The following DNAI2 variants were observed in gnomAD, a reference collection of about 807,000 sequenced individuals.
DNAI2 encodes the protein dynein axonemal intermediate chain 2, also known as dynein, axonemal, intermediate polypeptide 2.
A neutral mutation model predicts 74.7 loss-of-function variants in DNAI2; 63 were observed. The ratio of observed to expected loss-of-function variants is 0.84; its 90% confidence interval spans 0.69 to 1.04. DNAI2 has a LOEUF of 1.04. DNAI2 is among the 50% of genes least tolerant of loss of function. The pLI is 0.00. For synonymous variants in DNAI2, 289 were observed against 314.9 expected, an observed-to-expected ratio of 0.92 and a Z score of 0.87; for missense variants, 688 against 803.2, an observed-to-expected ratio of 0.86 and a Z score of 1.73.
At chr17:74,298,727 C>T (rs1408252069) in intron 6 of DNAI2, among the ~76,000 whole-genome samples, 2 of 152,058 alleles carry the variant, frequency 1.3e-5, no homozygotes, top group African/African-American at 4.8e-5. Context: ...CTCAGCCTCC[C>T]GAGTAGCAGG....
intron 6 of DNAI2, among the ~76,000 whole-genome samples, chr17:74,296,503 C>A (rs777391104): frequency 1.3e-5 from 2 of 152,102 alleles, no homozygotes; most frequent in Non-Finnish European, 2.9e-5. Context: ...CAGGCGTGAG[C>A]CACTGTACTC....
Position 74,306,710 on chromosome 17 carries a change from C to T in DNAI2, c.1211+1268C>T, listed in dbSNP as rs141730618. On this transcript the variant is annotated intron_variant, in intron 9 of 13. Coordinates refer to ENST00000311014, the MANE Select transcript of DNAI2 (RefSeq NM_023036.6). ...TCGGCTCACTGCAACCTCCACCTCC[C>T]GAGTTCATGCGATTCTCCTGCCTTA... Among the ~76,000 whole-genome samples the T allele has an allele frequency of 2.3e-3, 344 of 152,344 alleles. 1 individual carries two copies. The highest frequency in any genetic ancestry group is 7.8e-3 in the African/African-American group (325 of 41,578).
Position 74,306,926 on chromosome 17 carries a change from A to AT in DNAI2, c.1211+1491dup, listed in dbSNP as rs531678672. Among the ~76,000 whole-genome samples, 1,435 of 152,238 alleles carry AT rather than the reference A, an allele frequency of 9.4e-3. 9 individuals are homozygous for AT. The highest frequency in any genetic ancestry group is 0.013 in the Non-Finnish European group (884 of 68,014). On this transcript the variant is annotated intron_variant, in intron 9 of 13. Transcript: ENST00000311014. ...AGCCACCGTGCCTGGTGGAGGAGTG[A>AT]TTTTTTTAAAATCCAGATTCTCAGC...
rs151033547 is a variant in DNAI2, at chr17:74,281,760, A to AG, written c.-11-43dup. 6.9e-6 allele frequency: 11 copies of AG among 1,591,070 alleles called. No homozygotes were observed. The African/African-American group carries it at 1.5e-4, about 21-fold the overall frequency. On this transcript the variant is annotated intron_variant, in intron 1 of 13. Transcript: ENST00000311014. ...CTGGCAGGACCTGTGGAGATAGGGA[A>AG]GGGGCCGGTGGGGTCCCTCACCCCA...
chr17:74,278,369 G>A (rs931901064), intron 1 of DNAI2, among the ~76,000 whole-genome samples: 1 of 152,196 alleles, frequency 6.6e-6, no homozygotes, highest in African/African-American at 2.4e-5. Context: ...GGTTGAGGCT[G>A]CAGCAAGCTG....
chr17:74,286,830 T>C (rs894904083), intron 3 of DNAI2, 147 bp from the exon 4 acceptor site: 11 of 1,002,456 alleles, frequency 1.1e-5, no homozygotes, highest in Admixed American at 3.7e-5. Flanking sequence ...CAGGAACCAA[T>C]TGAAAATTCC....
intron 2 of DNAI2, among the ~76,000 whole-genome samples, chr17:74,284,120 A>G (rs1243121119): frequency 1.3e-5 from 2 of 149,716 alleles, no homozygotes; most frequent in African/African-American, 2.5e-5. Flanking sequence ...CCTGGGCAAC[A>G]AGAGCGAAAC....
chr17:74,300,630 C>T lies in DNAI2; in HGVS notation c.865-416C>T, dbSNP rs2052706098. Among the ~76,000 whole-genome samples the T allele has an allele frequency of 6.6e-6, 1 of 152,222 alleles. No individual in the cohort carries two copies. Among genetic ancestry groups the T allele is most frequent in the Non-Finnish European group, 1.5e-5 (1 of 68,042 alleles). The stretch of plus-strand genomic sequence containing the variant: ...AAATACAGCAAAGAGCATCTTTATA[C>T]ACAGATTGTTGCACACATGCGGGGA... On this transcript the variant is annotated intron_variant, in intron 7 of 13. Transcript: ENST00000311014. This position sits in a 1 kb window ranked among gnomAD's most constrained non-coding sequence, Gnocchi z 4.5.
chr17:74,299,947 C>T (rs1166455756), intron 7 of DNAI2, 90 bp downstream of exon 7: 4 of 1,558,644 alleles, frequency 2.6e-6, no homozygotes, highest in Non-Finnish European at 3.5e-6. Flanking sequence ...GGGACATTTC[C>T]TTTAACACAT....
intron 6 of DNAI2, among the ~76,000 whole-genome samples, chr17:74,294,400 C>G (rs1038479281): frequency 1.3e-5 from 2 of 151,742 alleles, no homozygotes; most frequent in Non-Finnish European, 2.9e-5. Context: ...GCCTCAAACT[C>G]CTGGGCTCAA....
rs745353428 is a variant in DNAI2, at chr17:74,285,089, AG to A, written c.239del (p.Gly80AlafsTer6). 6.2e-7 allele frequency: 1 copy of A among 1,614,194 alleles called. No homozygotes were observed. Among genetic ancestry groups the A allele is most frequent in the East Asian group, 2.2e-5 (1 of 44,888 alleles). ...EMETRGVNHV[E>X]GGWPKDVNPL... ...GAGACCCGGGGAGTTAACCATGTCGAGGGGGGCTGGCCCAAGGACGTGAACC... is the reference window on the plus strand; with the variant it reads ...GAGACCCGGGGAGTTAACCATGTCGAGGGGGCTGGCCCAAGGACGTGAACC... On this transcript the variant is annotated frameshift_variant, in exon 3 of 14. Coordinates refer to ENST00000311014, the MANE Select transcript of DNAI2 (RefSeq NM_023036.6). LOFTEE classifies it high-confidence loss of function.
chr17:74,296,728 G>A (rs1804194011), intron 6 of DNAI2, among the ~76,000 whole-genome samples: 1 of 152,232 alleles, frequency 6.6e-6, no homozygotes, highest in Non-Finnish European at 1.5e-5. Context: ...GATAATGACA[G>A]TTCTTTGGGC....
At chr17:74,284,915 T>A in intron 2 of DNAI2, 125 bp from the exon 3 acceptor site, 1 of 1,225,128 alleles carries the variant, frequency 8.2e-7, no homozygotes, top group African/African-American at 1.5e-5. Context: ...GAAAATACTG[T>A]GGCTCCGGCC....
At position 74,301,160 on chromosome 17, in the gene DNAI2, T is replaced by A; in HGVS notation, c.979T>A (p.Ser327Thr). 2.5e-6 allele frequency: 4 copies of A among 1,613,814 alleles called. No individual in the cohort carries two copies. The highest frequency in any genetic ancestry group is 3.4e-6 in the Non-Finnish European group (4 of 1,179,816). ...GGGGGCCATCTCCCTGGAGTTCGAA[T>A]CTACTTTGGTGAGTGTCCCTTGCTG... is the stretch of plus-strand genomic sequence containing the variant. The part of the protein sequence containing the change: ...ALGAISLEFE[S>T]TLPTKFMVGT... Residue 327 changes from serine to threonine, a missense_variant, in exon 8 of 14, where the codon TCT becomes ACT. Physicochemically the swap from Ser to Thr is moderately conservative, Grantham distance 58. Transcript: ENST00000311014.
chr17:74,306,762 C>A (rs1018844564), intron 9 of DNAI2, among the ~76,000 whole-genome samples: 1 of 152,232 alleles, frequency 6.6e-6, no homozygotes, highest in Non-Finnish European at 1.5e-5. Context: ...GGATTACAGG[C>A]GCACGCCAGC....
At chr17:74,293,608 G>A (rs2052256080) in intron 6 of DNAI2, among the ~76,000 whole-genome samples, 1 of 151,804 alleles carries the variant, frequency 6.6e-6, no homozygotes, top group Non-Finnish European at 1.5e-5. Flanking sequence ...GGAGGCTAAG[G>A]CACGAGAATC....
chr17:74,306,012 G>A (rs2053172319), intron 9 of DNAI2, among the ~76,000 whole-genome samples: 1 of 152,120 alleles, frequency 6.6e-6, no homozygotes, highest in East Asian at 1.9e-4. Flanking sequence ...CCAGGAGGAG[G>A]CAGCATTGCT....
chr17:74,304,797 T>C (rs2053084685), intron 8 of DNAI2, among the ~76,000 whole-genome samples: 1 of 152,166 alleles, frequency 6.6e-6, no homozygotes. Flanking sequence ...AATGTCACTG[T>C]CTTGCCAGGG....
At chr17:74,311,842 C>T (rs886730019) in intron 11 of DNAI2, among the ~76,000 whole-genome samples, 161 bp from the exon 12 acceptor site, 1 of 152,204 alleles carries the variant, frequency 6.6e-6, no homozygotes, top group Non-Finnish European at 1.5e-5. Flanking sequence ...CAATATTCAG[C>T]CCTCCTTCCT....
Sources: allele counts gnomAD v4.1 joint callset (sites outside exome capture counted in the v4.1 genomes callset), GRCh38; gene constraint gnomAD v4.1.1; non-coding constraint Gnocchi (gnomAD v3.1); transcripts MANE v1.5; gene names NCBI Gene and HGNC (gene_info 2026-07-23, HGNC 2026-07-21).